The following RBMS3 variants were observed in gnomAD, a reference collection of about 807,000 sequenced individuals.
RBMS3 encodes RNA binding motif single stranded interacting protein 3, also known as RNA-binding motif, single-stranded-interacting protein 3.
RBMS3 carries 27 observed loss-of-function variants against 66.8 expected under a neutral mutation model. That is an observed-to-expected ratio of 0.40 (90% CI 0.30 to 0.56). The LOEUF (loss-of-function observed/expected upper bound fraction) is 0.56, where lower values mean the gene tolerates loss of function less well. RBMS3 is among the 20% of genes least tolerant of loss of function. The probability of loss-of-function intolerance (pLI) is 0.40; values close to 1 mark genes in which losing one functional copy is unlikely to be tolerated. For synonymous variants in RBMS3, 188 were observed against 183.0 expected (o/e 1.03, Z -0.22); for missense variants, 513 against 549.5 (o/e 0.93, Z 0.66).
In RBMS3 at chr3:29,497,973, A is replaced by ATTTTTTTTTTTTTTTTTTTTTTTTT. The variant is rs779555263; in HGVS notation, c.307+9487_307+9511dup. Among the ~76,000 whole-genome samples, 4 of 43,416 alleles carry ATTTTTTTTTTTTTTTTTTTTTTTTT rather than the reference A, an allele frequency of 9.2e-5. 1 individual carries two copies. Among genetic ancestry groups the ATTTTTTTTTTTTTTTTTTTTTTTTT allele is most frequent in the East Asian group, 7.5e-4 (1 of 1,332 alleles). 28.5% of individuals were successfully genotyped at this position (43,416 alleles called of 152,430 possible). ...TCAGAGTTATTCTCTAAAAGTATTC[A>ATTTTTTTTTTTTTTTTTTTTTTTTT]TTTTTTTTTTTTTTTTTTTTTTTTT... On this transcript the variant is annotated intron_variant, in intron 3 of 14. Transcript: ENST00000383767.
intron 3 of RBMS3, among the ~76,000 whole-genome samples, chr3:29,579,258 G>T (rs1040790668): frequency 6.6e-6 from 1 of 152,206 alleles, no homozygotes; most frequent in African/African-American, 2.4e-5. Flanking sequence ...GGATGCTTCG[G>T]TTGTGGGGAA....
chr3:29,984,626 C>T (rs1019552799), intron 12 of RBMS3, among the ~76,000 whole-genome samples: 1 of 151,998 alleles, frequency 6.6e-6, no homozygotes, highest in Non-Finnish European at 1.5e-5. Context: ...TTGATGTTGA[C>T]GCTATTCCTT....
chr3:29,740,022 C>T, intron 5 of RBMS3, 145 bp downstream of exon 5: 1 of 612,354 alleles, frequency 1.6e-6, no homozygotes, highest in Non-Finnish European at 2.6e-6. Context: ...TGTCATCCCT[C>T]TGTGTCTTTG....
chr3:29,648,299 G>A (rs1424159413), intron 4 of RBMS3, among the ~76,000 whole-genome samples: 9 of 104,344 alleles, frequency 8.6e-5, no homozygotes, highest in Admixed American at 1.1e-4. Flanking sequence ...ACAGGGTCTC[G>A]CTGTGTCACC....
At chr3:29,385,607 A>T (rs1291473998) in intron 1 of RBMS3, among the ~76,000 whole-genome samples, 1 of 152,060 alleles carries the variant, frequency 6.6e-6, no homozygotes, top group African/African-American at 2.4e-5. Flanking sequence ...GGGTCTTTGG[A>T]CTATGTGACT....
intron 1 of RBMS3, among the ~76,000 whole-genome samples, chr3:29,403,879 T>G (rs547825686): frequency 3.9e-5 from 6 of 152,202 alleles, no homozygotes; most frequent in Admixed American, 3.9e-4. Context: ...TATGTAGTTC[T>G]GAAACTGCCC....
At chr3:29,929,461 A>G (rs2061049380) in intron 10 of RBMS3, among the ~76,000 whole-genome samples, 2 of 152,202 alleles carry the variant, frequency 1.3e-5, no homozygotes. Flanking sequence ...TATTATATTA[A>G]TAGGTACTTA....
intron 10 of RBMS3, among the ~76,000 whole-genome samples, chr3:29,921,294 C>A (rs1483999769): frequency 1.3e-5 from 2 of 151,822 alleles, no homozygotes; most frequent in South Asian, 2.1e-4. Context: ...GAACTCCTGA[C>A]CTCAAGTGAT....
chr3:29,734,989 G>T (rs956101332), intron 4 of RBMS3, among the ~76,000 whole-genome samples: 2 of 152,068 alleles, frequency 1.3e-5, no homozygotes, highest in African/African-American at 4.8e-5. Context: ...GCTACTTCCA[G>T]AGCATTTAAA....
chr3:29,784,174 A>T (rs1158465043), intron 6 of RBMS3, among the ~76,000 whole-genome samples: 1 of 152,090 alleles, frequency 6.6e-6, no homozygotes, highest in Admixed American at 6.6e-5. Context: ...AATGGACTTA[A>T]ACTATACCCT....
At chr3:29,546,431 C>G (rs2045951860) in intron 3 of RBMS3, among the ~76,000 whole-genome samples, 1 of 152,122 alleles carries the variant, frequency 6.6e-6, no homozygotes, top group Admixed American at 6.6e-5. Flanking sequence ...CTGTATGACT[C>G]TAACTGATGG....
At chr3:29,573,768 T>C (rs1246009894) in intron 3 of RBMS3, among the ~76,000 whole-genome samples, 1 of 152,226 alleles carries the variant, frequency 6.6e-6, no homozygotes, top group East Asian at 1.9e-4. Flanking sequence ...ATGTTTCCAT[T>C]ATCATTTGTT....
intron 1 of RBMS3, among the ~76,000 whole-genome samples, chr3:29,347,515 T>TA: frequency 6.6e-6 from 1 of 152,198 alleles, no homozygotes; most frequent in Non-Finnish European, 1.5e-5. Context: ...ATTGAAGTTA[T>TA]TATCTATGGG....
intron 3 of RBMS3, among the ~76,000 whole-genome samples, chr3:29,555,167 C>A (rs1319577287): frequency 6.6e-6 from 1 of 152,054 alleles, no homozygotes; most frequent in Non-Finnish European, 1.5e-5. Context: ...AAATTGAGAG[C>A]CTACTTTGTG....
intron 4 of RBMS3, among the ~76,000 whole-genome samples, chr3:29,680,238 G>A (rs747793603): frequency 1.2e-4 from 19 of 152,178 alleles, no homozygotes; most frequent in Admixed American, 5.2e-4. Flanking sequence ...GATCAGTGAT[G>A]TTCTAATCAA....
chr3:29,865,106 G>A (rs139785376), intron 6 of RBMS3, among the ~76,000 whole-genome samples: 37 of 127,200 alleles, frequency 2.9e-4, no homozygotes, highest in African/African-American at 9.9e-4. Context: ...GGGAGGGAGG[G>A]AGGAAGGAAG....
chr3:29,958,192 T>C (rs886973353), intron 12 of RBMS3, among the ~76,000 whole-genome samples: 23 of 151,994 alleles, frequency 1.5e-4, no homozygotes, highest in African/African-American at 5.3e-4. Context: ...TCATTTGTTT[T>C]GTCCTATTTT....
At chr3:29,429,018 G>A (rs2041077689) in intron 1 of RBMS3, among the ~76,000 whole-genome samples, 2 of 152,220 alleles carry the variant, frequency 1.3e-5, no homozygotes, top group South Asian at 4.1e-4. Flanking sequence ...ATCCTCCAGT[G>A]TTTACTTCAA....
chr3:29,763,573 C>T (rs1413926207), intron 6 of RBMS3, among the ~76,000 whole-genome samples: 2 of 152,002 alleles, frequency 1.3e-5, no homozygotes, highest in East Asian at 3.9e-4. Context: ...TCTGGACTAT[C>T]CCAGGGCATT....
Sources: allele counts gnomAD v4.1 joint callset (sites outside exome capture counted in the v4.1 genomes callset), GRCh38; gene constraint gnomAD v4.1.1; transcripts MANE v1.5; gene names NCBI Gene and HGNC (gene_info 2026-07-23, HGNC 2026-07-21).